MYH9: variants seen among roughly 807,000 people sequenced by gnomAD.
The protein encoded by MYH9 is myosin-9.
In MYH9, 29 loss-of-function variants were observed where a neutral mutation model predicts 241.9. That is an observed-to-expected ratio of 0.12 (90% CI 0.09 to 0.16). MYH9 has a LOEUF of 0.16. Among genes scored for constraint, MYH9 ranks in the 10% least tolerant of loss-of-function variants. The pLI is 1.00. For synonymous variants in MYH9, 1,047 were observed against 1,062.6 expected, an observed-to-expected ratio of 0.99 and a Z score of 0.29; for missense variants, 1,803 against 2,595.5, an observed-to-expected ratio of 0.69 and a Z score of 6.63.
chr22:36,315,954 G>C (rs1239223040), intron 12 of MYH9, among the ~76,000 whole-genome samples: 2 of 150,808 alleles, frequency 1.3e-5, no homozygotes, highest in African/African-American at 4.9e-5. Context: ...GCGAGGATCA[G>C]TTAAGCCCAG....
At chr22:36,317,649 G>GA (rs2017179576) in intron 11 of MYH9, among the ~76,000 whole-genome samples, 1 of 152,238 alleles carries the variant, frequency 6.6e-6, no homozygotes, top group Non-Finnish European at 1.5e-5. Context: ...CACCATAAAA[G>GA]AAACTAGAAA....
rs1274147951 is a variant in MYH9 at position 36,320,474 on chromosome 22, G to A, written c.869-111C>T. The A allele has an allele frequency of 4.9e-6, 7 of 1,421,390 alleles. No individual in the cohort carries two copies. In the East Asian group the frequency reaches 1.1e-4, roughly 23 times the overall value. The allele number at this position is 1,421,390 out of a possible 1,614,324, so 88.0% of individuals were successfully genotyped here. ...ACTGGGACAGACCCTGAGCCCTGAC[G>A]CACCCTGGAAACCGCAGAGTAGCCA... On this transcript the variant is annotated intron_variant, in intron 8 of 40. Coordinates refer to ENST00000216181, the MANE Select transcript of MYH9 (RefSeq NM_002473.6). This position sits in a 1 kb window ranked among gnomAD's most constrained non-coding sequence, Gnocchi z 4.8.
At position 36,294,245 on chromosome 22, in the gene MYH9, C is replaced by T. The variant is rs2016754307; in HGVS notation, c.3684G>A (p.Glu1228=). The T allele has an allele frequency of 6.2e-7, 1 of 1,614,034 alleles. No individual in the cohort carries two copies. The highest frequency in any genetic ancestry group is 1.3e-5 in the African/African-American group (1 of 74,938). The change falls in exon 28 of 41, where the codon GAG becomes GAA. Residue 1228 remains glutamate (E), a synonymous_variant. Transcript: ENST00000216181. ...GCAGCACCTTCACCTCGTTGGCCAGCTCCCCCCGCTCGTTCTCCAGAGTCT... is the reference window on the plus strand; with the variant it reads ...GCAGCACCTTCACCTCGTTGGCCAGTTCCCCCCGCTCGTTCTCCAGAGTCT... ...AKQTLENERG[E]LANEVKVLLQ...
At chr22:36,296,277 T>C (rs540807693) in intron 25 of MYH9, among the ~76,000 whole-genome samples, 1 of 152,208 alleles carries the variant, frequency 6.6e-6, no homozygotes, top group African/African-American at 2.4e-5. Context: ...CTCTGTCACC[T>C]AGGCTGGAGT....
At position 36,295,931 on chromosome 22, in the gene MYH9, G is replaced by T. The variant is rs192845977; in HGVS notation, c.3273-214C>A. Among the ~76,000 whole-genome samples, 1 of 152,138 alleles carries T rather than the reference G, an allele frequency of 6.6e-6. No individual in the cohort carries two copies. ...AAGCAGAAAACCTCATAGAGGAATC[G>T]TTTCAATTTCCAAAGTAAGATTCAC... On this transcript the variant is annotated intron_variant, in intron 25 of 40. Transcript: ENST00000216181. This position sits in a 1 kb window ranked among gnomAD's most constrained non-coding sequence, Gnocchi z 4.1.
chr22:36,356,580 C>CAAAA (rs34880972), intron 1 of MYH9, among the ~76,000 whole-genome samples: 8 of 24,654 alleles, frequency 3.2e-4, no homozygotes, highest in African/African-American at 5.1e-4. Flanking sequence ...GACTCCATCT[C>CAAAA]AAAAAAAAAA....
chr22:36,291,651 G>A (rs888147389), intron 31 of MYH9, among the ~76,000 whole-genome samples: 1 of 122,218 alleles, frequency 8.2e-6, no homozygotes, highest in African/African-American at 3.2e-5. Context: ...CCCCCTCTGC[G>A]AGAAACACCC....
chr22:36,375,073 A>G (rs753434833), intron 1 of MYH9, among the ~76,000 whole-genome samples: 4 of 152,058 alleles, frequency 2.6e-5, no homozygotes, highest in Non-Finnish European at 4.4e-5. Context: ...TTCCCTCCAT[A>G]TTCCTAGCAC....
At chr22:36,286,194 C>T (rs770733288) in intron 35 of MYH9, 4 of 608,458 alleles carry the variant, frequency 6.6e-6, no homozygotes, top group South Asian at 1.9e-5. Context: ...CAGGGTATGG[C>T]GATAAGTAAG....
At chr22:36,297,857 C>T (rs754855205) in intron 24 of MYH9, among the ~76,000 whole-genome samples, 19 of 152,248 alleles carry the variant, frequency 1.2e-4, no homozygotes, top group Non-Finnish European at 1.9e-4. Context: ...CTCACTAGGA[C>T]TGCCGGATCG....
intron 34 of MYH9, 157 bp from the exon 35 acceptor site, chr22:36,287,003 G>T: frequency 9.9e-7 from 1 of 1,007,454 alleles, no homozygotes; most frequent in Non-Finnish European, 1.5e-6. Flanking sequence ...GGCAACTAAA[G>T]ACAATCATCT....
At chr22:36,333,402 T>C (rs188724114) in intron 3 of MYH9, among the ~76,000 whole-genome samples, 3 of 152,300 alleles carry the variant, frequency 2.0e-5, no homozygotes, top group Non-Finnish European at 4.4e-5. Flanking sequence ...CTGTGCCCTG[T>C]TGTATCTGTG....
intron 31 of MYH9, among the ~76,000 whole-genome samples, chr22:36,289,734 C>T (rs2016654454): frequency 6.6e-6 from 1 of 152,144 alleles, no homozygotes; most frequent in Non-Finnish European, 1.5e-5. Context: ...GCTGCTGTCC[C>T]CTGGCATCTG....
Position 36,327,401 on chromosome 22 carries a change from CT to C in MYH9, c.518+59del, listed in dbSNP as rs1402543802. 3.7e-6 allele frequency: 6 copies of C among 1,606,594 alleles called. No homozygotes were observed. In the African/African-American group the frequency reaches 8.0e-5, roughly 22 times the overall value. ...CCCAGTTGTGGTTTCAGTAGGAGAC[CT>C]CAAGAATGAGAACAGACTGGGGTGA... On this transcript the variant is annotated intron_variant, in intron 4 of 40. Transcript: ENST00000216181.
chr22:36,302,332 T>A, intron 20 of MYH9: 1 of 467,352 alleles, frequency 2.1e-6, no homozygotes, highest in East Asian at 4.0e-5. Flanking sequence ...CTGGGCAAGA[T>A]AGTGAGACCT....
Position 36,349,249 on chromosome 22 carries a change from C to T in MYH9, c.-13G>A. On this transcript the variant is annotated 5_prime_UTR_variant, in exon 2 of 41. Transcript: ENST00000216181. The stretch of plus-strand genomic sequence containing the variant: ...CTTGCTGTGCCATGGTGACTTATAG[C>T]CAGGACCTAAGCGGGGAGGAGAAGG... The T allele has an allele frequency of 1.2e-6, 2 of 1,613,274 alleles. No individual in the cohort carries two copies. The highest frequency in any genetic ancestry group is 1.7e-6 in the Non-Finnish European group (2 of 1,179,466).
In MYH9 at chr22:36,292,026, C is replaced by T. The variant is rs2146335288; in HGVS notation, c.4304G>A (p.Ser1435Asn). 1 of 1,614,222 alleles carries T rather than the reference C, an allele frequency of 6.2e-7. No individual in the cohort carries two copies. The highest frequency in any genetic ancestry group is 8.5e-7 in the Non-Finnish European group (1 of 1,180,042). The change falls in exon 31 of 41, where the codon AGC becomes AAC. Residue 1435 changes from serine (S) to asparagine (N), a missense_variant. Physicochemically the swap from Ser to Asn is conservative, Grantham distance 46. This residue lies in a region of MYH9 where 876 missense variants were observed against 1,077.8 expected (regional missense o/e 0.81). Transcript: ENST00000216181. The stretch of plus-strand genomic sequence containing the variant: ...CTGCTTCTTCTCCAGGTTGCACGCG[C>T]TCTGGCGCTGGTGGTCCAGGTCCAC... ...LLVDLDHQRQ[S>N]ACNLEKKQKK...
At chr22:36,324,841 G>A (rs1028814607) in intron 5 of MYH9, among the ~76,000 whole-genome samples, 6 of 152,214 alleles carry the variant, frequency 3.9e-5, no homozygotes, top group African/African-American at 7.2e-5. Context: ...TGACAACGTG[G>A]CTCCCACTGT....
At chr22:36,294,783 A>T in intron 27 of MYH9, 149 bp downstream of exon 27, 1 of 993,858 alleles carries the variant, frequency 1.0e-6, no homozygotes, top group Non-Finnish European at 1.5e-6. Context: ...CTGAGGCACG[A>T]GTCACAAAGC....
Sources: allele counts gnomAD v4.1 joint callset (sites outside exome capture counted in the v4.1 genomes callset), GRCh38; gene constraint gnomAD v4.1.1; regional missense constraint gnomAD v4.1.1; non-coding constraint Gnocchi (gnomAD v3.1); transcripts MANE v1.5; gene names NCBI Gene and HGNC (gene_info 2026-07-23, HGNC 2026-07-21).